Variants in NIPSNAP1 observed in about 807,000 individuals in gnomAD.
NIPSNAP1 encodes nipsnap homolog 1.
Under a neutral mutation model 49.2 loss-of-function variants are expected in NIPSNAP1, and 25 were observed. The ratio of observed to expected loss-of-function variants is 0.51; its 90% CI spans 0.37 to 0.71. NIPSNAP1 has a LOEUF of 0.71. Ranked by LOEUF, NIPSNAP1 falls within the 30% of genes least tolerant of loss-of-function variation. The probability of loss-of-function intolerance (pLI) is 0.00; values close to 1 mark genes in which losing one functional copy is unlikely to be tolerated. For synonymous variants in NIPSNAP1, 143 were observed against 140.7 expected (o/e 1.02, Z -0.12); for missense variants, 294 against 361.0 (o/e 0.81, Z 1.50).
intron 3 of NIPSNAP1, among the ~76,000 whole-genome samples, chr22:29,569,609 T>C (rs993010546): frequency 6.6e-6 from 1 of 151,088 alleles, no homozygotes; most frequent in Non-Finnish European, 1.5e-5. Flanking sequence ...TTTGCTCTTG[T>C]TGCCCAGGCT....
chr22:29,574,815 T>C (rs2064439668), intron 1 of NIPSNAP1, among the ~76,000 whole-genome samples: 1 of 149,846 alleles, frequency 6.7e-6, no homozygotes, highest in Non-Finnish European at 1.5e-5. Flanking sequence ...TATCATTAGA[T>C]GGGTAGTGCG....
intron 1 of NIPSNAP1, among the ~76,000 whole-genome samples, chr22:29,579,259 C>A (rs949802439): frequency 7.0e-6 from 1 of 142,380 alleles, no homozygotes; most frequent in East Asian, 2.0e-4. Context: ...AGTAGAGACA[C>A]GTTTTCACCA....
chr22:29,561,423 C>T (rs947171379), intron 6 of NIPSNAP1, 83 bp downstream of exon 6: 130 of 1,592,426 alleles, frequency 8.2e-5, no homozygotes, highest in Non-Finnish European at 1.0e-4. Context: ...CCAGAAGCCC[C>T]AGTCTAGGTG....
chr22:29,581,020 A>G lies in NIPSNAP1; in HGVS notation c.63T>C (p.Pro21=). The G allele has an allele frequency of 6.5e-7, 1 of 1,536,140 alleles. No homozygotes were observed. The highest frequency in any genetic ancestry group is 1.4e-5 in the African/African-American group (1 of 72,616). ...CTGCAGACGCAACGTCCCCAGCGCG[A>G]GGCCCCGGGCCCCCCAGCAGCCGCC... ...TARRLLGGPG[P]RAGDVASAAA... The change falls in exon 1 of 10, where the codon CCT becomes CCC. Residue 21 remains proline, a synonymous_variant. Transcript: ENST00000216121.
intron 4 of NIPSNAP1, among the ~76,000 whole-genome samples, chr22:29,562,792 T>C (rs946134105): frequency 6.6e-6 from 1 of 151,836 alleles, no homozygotes; most frequent in Non-Finnish European, 1.5e-5. Flanking sequence ...AAACTCTTTG[T>C]ACTGTTAGAA....
intron 1 of NIPSNAP1, among the ~76,000 whole-genome samples, chr22:29,574,478 T>C (rs944005452): frequency 1.3e-5 from 2 of 151,546 alleles, no homozygotes; most frequent in Non-Finnish European, 2.9e-5. Context: ...TCTGCTTCAT[T>C]AGCAAAAAGA....
Position 29,555,646 on chromosome 22 carries a change from G to T in NIPSNAP1, c.*289C>A. Reference sequence around the variant, plus strand: ...TGGGGACTGGTGGCCTTGAGATGAGGAATTTTAGAAGATAAATGAAGGCCT... The same window carrying T: ...TGGGGACTGGTGGCCTTGAGATGAGTAATTTTAGAAGATAAATGAAGGCCT... On this transcript the variant is annotated 3_prime_UTR_variant, in exon 10 of 10. Coordinates refer to ENST00000216121, the MANE Select transcript of NIPSNAP1 (RefSeq NM_003634.4). 2.4e-6 allele frequency: 1 copy of T among 413,170 alleles called. No individual in the cohort carries two copies. Among genetic ancestry groups the T allele is most frequent in the Non-Finnish European group, 4.6e-6 (1 of 219,092 alleles). The allele number at this position is 413,170 out of a possible 1,614,324, so 25.6% of individuals were successfully genotyped here. A position where few individuals can be genotyped will look rare whatever the true frequency, so the allele number is the denominator to read the frequency against.
At position 29,554,921 on chromosome 22, in the gene NIPSNAP1, A is replaced by C. The variant is rs1369930895; in HGVS notation, c.*1014T>G. 1.3e-5 allele frequency: 2 copies of C among 152,650 alleles called. No homozygotes were observed. Among genetic ancestry groups the C allele is most frequent in the Non-Finnish European group, 2.9e-5 (2 of 68,054 alleles). The allele number at this position is 152,650 out of a possible 1,614,324, so 9.5% of individuals were successfully genotyped here. ...TGATGAGGTATGGGGGTCACTGAGG[A>C]GACCCCCAGAGTCACTGACCCCTCC... On this transcript the variant is annotated 3_prime_UTR_variant, in exon 10 of 10. Coordinates refer to ENST00000216121, the MANE Select transcript of NIPSNAP1 (RefSeq NM_003634.4).
At position 29,576,100 on chromosome 22, in the gene NIPSNAP1, C is replaced by G. The variant is rs144459992; in HGVS notation, c.98+4885G>C. Among the ~76,000 whole-genome samples, 1,409 of 148,058 alleles carry G rather than the reference C, an allele frequency of 9.5e-3. 36 individuals are homozygous for G. The highest frequency in any genetic ancestry group is 0.035 in the African/African-American group (1,321 of 38,224). On this transcript the variant is annotated intron_variant, in intron 1 of 9. Transcript: ENST00000216121. Reference sequence around the variant, plus strand: ...GTGGCGTAATCTCAGCTCACTGCAACCTCCACCTCCTGGGTTCAAGCGATT... The same window carrying G: ...GTGGCGTAATCTCAGCTCACTGCAAGCTCCACCTCCTGGGTTCAAGCGATT...
intron 1 of NIPSNAP1, among the ~76,000 whole-genome samples, chr22:29,580,500 C>A (rs551423125): frequency 1.2e-4 from 18 of 152,168 alleles, no homozygotes; most frequent in Non-Finnish European, 2.4e-4. Context: ...CTCCCATTCC[C>A]TCTCAGGTCC....
In NIPSNAP1 at chr22:29,560,771, T is replaced by C; in HGVS notation, c.669A>G (p.Ser223=). The change falls in exon 8 of 10, where the codon TCA becomes TCG. Residue 223 remains serine (S), a synonymous_variant. Coordinates refer to ENST00000216121, the MANE Select transcript of NIPSNAP1 (RefSeq NM_003634.4). ...GCACCACGTAGAGCTCTCCTATCTG[T>C]GAGAAGAAGCCGCCCACTGCCTCCT... ...ENQEAVGGFF[S]QIGELYVVHH... is the part of the protein sequence containing the mutation. The C allele has an allele frequency of 1.9e-6, 3 of 1,614,032 alleles. No individual in the cohort carries two copies. The highest frequency in any genetic ancestry group is 2.5e-6 in the Non-Finnish European group (3 of 1,180,022).
intron 8 of NIPSNAP1, among the ~76,000 whole-genome samples, chr22:29,559,954 A>G (rs1188846766): frequency 6.6e-6 from 1 of 152,162 alleles, no homozygotes; most frequent in Non-Finnish European, 1.5e-5. Context: ...TGCATTTACA[A>G]TAAATCCCAA....
At chr22:29,578,299 G>A (rs1262379351) in intron 1 of NIPSNAP1, among the ~76,000 whole-genome samples, 1 of 151,112 alleles carries the variant, frequency 6.6e-6, no homozygotes, top group Non-Finnish European at 1.5e-5. Flanking sequence ...GCCTCCTAAA[G>A]TGCTGGGATT....
At chr22:29,558,976 T>C in intron 8 of NIPSNAP1, 23 bp from the exon 9 acceptor site, 3 of 1,572,276 alleles carry the variant, frequency 1.9e-6, no homozygotes, top group East Asian at 2.2e-5. Flanking sequence ...CACAGGCTCA[T>C]TCCTCAGGCA....
At position 29,561,583 on chromosome 22, in the gene NIPSNAP1, G is replaced by T; in HGVS notation, c.502C>A (p.Leu168Ile). Residue 168 changes from leucine (L) to isoleucine (I), a missense_variant, in exon 6 of 10, where the codon CTC (leucine) becomes ATC (isoleucine). By Grantham distance (5) the Leu-to-Ile change is conservative. This residue lies in a region of NIPSNAP1 where 146 missense variants were observed against 219.9 expected (regional missense o/e 0.66). Coordinates refer to ENST00000216121, the MANE Select transcript of NIPSNAP1 (RefSeq NM_003634.4). ...GGCTCATTCCAGAAGCTGAACTCGAGGAGCAGCTGGTTTCTCCTGGACAGC... is the reference window on the plus strand; with the variant it reads ...GGCTCATTCCAGAAGCTGAACTCGATGAGCAGCTGGTTTCTCCTGGACAGC... ...MLLSRRNQLL[L>I]EFSFWNEPQP... 6.2e-7 allele frequency: 1 copy of T among 1,614,070 alleles called. No homozygotes were observed. Among genetic ancestry groups the T allele is most frequent in the Non-Finnish European group, 8.5e-7 (1 of 1,179,996 alleles).
chr22:29,561,451 C>G, intron 6 of NIPSNAP1, 55 bp downstream of exon 6: 1 of 1,611,500 alleles, frequency 6.2e-7, no homozygotes, highest in Non-Finnish European at 8.5e-7. Context: ...AGCTGCAAAG[C>G]AGCATTGCAG....
intron 3 of NIPSNAP1, 161 bp downstream of exon 3, chr22:29,570,001 A>AAGAG (rs1239666518): frequency 2.9e-6 from 2 of 694,302 alleles, no homozygotes; most frequent in Non-Finnish European, 5.1e-6. Context: ...AAAAAAAAGA[A>AAGAG]AGAGAGAAAG....
intron 6 of NIPSNAP1, 134 bp downstream of exon 6, chr22:29,561,372 T>G: frequency 7.0e-7 from 1 of 1,433,970 alleles, no homozygotes; most frequent in Non-Finnish European, 9.8e-7. Flanking sequence ...TTTGCACACA[T>G]GTGTATACAA....
Position 29,561,298 on chromosome 22 carries a change from C to A in NIPSNAP1, c.580-96G>T, listed in dbSNP as rs933245845. On this transcript the variant is annotated intron_variant, in intron 6 of 9. Coordinates refer to ENST00000216121, the MANE Select transcript of NIPSNAP1 (RefSeq NM_003634.4). ...GAAGGGAAACTGCCCTGTCTCCCCA[C>A]CTCCCAAGCTGCAGCGGCCATTTGG... 21 of 1,520,564 alleles carry A rather than the reference C, an allele frequency of 1.4e-5. No individual in the cohort carries two copies. In the Admixed American group the frequency reaches 3.0e-4, roughly 22 times the overall value. The allele number at this position is 1,520,564 out of a possible 1,614,324, so 94.2% of individuals were successfully genotyped here.
Sources: gnomAD v4.1 joint callset for allele counts (sites outside exome capture counted in the v4.1 genomes callset) on GRCh38, gnomAD v4.1.1 for gene constraint, gnomAD v4.1.1 regional missense constraint, MANE v1.5 for transcripts, NCBI Gene and HGNC (gene_info 2026-07-23, HGNC 2026-07-21) for gene names.